FILIP1L: variants seen among roughly 807,000 people sequenced by gnomAD.
FILIP1L encodes the protein filamin A-interacting protein 1-like.
A neutral mutation model predicts 96.6 loss-of-function variants in FILIP1L; 55 were observed. That is an observed-to-expected ratio of 0.57 (90% CI 0.46 to 0.71). FILIP1L has a LOEUF of 0.71. Ranked by LOEUF, FILIP1L falls within the 30% of genes least tolerant of loss-of-function variation. The probability of loss-of-function intolerance (pLI) is 0.00; values close to 1 mark genes in which losing one functional copy is unlikely to be tolerated. For synonymous variants in FILIP1L, 467 were observed against 473.9 expected (o/e 0.99, Z 0.19); for missense variants, 1,304 against 1,321.2 (o/e 0.99, Z 0.20).
chr3:99,851,151 A>G, intron 4 of FILIP1L, 81 bp from the exon 5 acceptor site: 1 of 1,139,026 alleles, frequency 8.8e-7, no homozygotes, highest in Non-Finnish European at 1.2e-6. Context: ...TATGTAATTT[A>G]GAAATTATGT....
At chr3:99,837,401 TAGA>T (rs1942945041) in intron 5 of FILIP1L, among the ~76,000 whole-genome samples, 1 of 145,552 alleles carries the variant, frequency 6.9e-6, no homozygotes, top group Admixed American at 6.8e-5. Flanking sequence ...GGCATAAGAA[TAGA>T]AGAAGAATAG....
At chr3:99,911,230 G>A (rs1706777445) in intron 4 of FILIP1L, among the ~76,000 whole-genome samples, 1 of 151,838 alleles carries the variant, frequency 6.6e-6, no homozygotes, top group African/African-American at 2.4e-5. Context: ...TTATCAGGAA[G>A]TTGTACAATA....
intron 4 of FILIP1L, among the ~76,000 whole-genome samples, chr3:99,913,304 T>G (rs1221915790): frequency 6.6e-6 from 1 of 152,202 alleles, no homozygotes; most frequent in Non-Finnish European, 1.5e-5. Context: ...AATGCACCAT[T>G]TTACATTACT....
chr3:99,961,217 G>A (rs1016332604), intron 1 of FILIP1L, among the ~76,000 whole-genome samples: 12 of 152,192 alleles, frequency 7.9e-5, no homozygotes, highest in African/African-American at 2.7e-4. Flanking sequence ...GAGAATGCCC[G>A]AGGGGATCCG....
intron 1 of FILIP1L, among the ~76,000 whole-genome samples, chr3:100,075,850 T>C (rs547142178): frequency 1.3e-5 from 2 of 152,348 alleles, no homozygotes; most frequent in East Asian, 1.9e-4. Flanking sequence ...TATAAACTTA[T>C]CTTAAACTCT....
chr3:99,894,383 G>A (rs930191535), intron 4 of FILIP1L, among the ~76,000 whole-genome samples: 9 of 152,212 alleles, frequency 5.9e-5, no homozygotes, highest in East Asian at 3.8e-4. Flanking sequence ...CTGGCCAGAG[G>A]TGGATTCACT....
intron 1 of FILIP1L, among the ~76,000 whole-genome samples, chr3:100,086,852 T>C (rs1157545044): frequency 5.3e-5 from 8 of 152,168 alleles, no homozygotes; most frequent in Non-Finnish European, 1.2e-4. Flanking sequence ...TCAGGCTCCC[T>C]TTTTAATCAG....
At chr3:100,009,206 T>G (rs1335708406) in intron 1 of FILIP1L, among the ~76,000 whole-genome samples, 3 of 152,194 alleles carry the variant, frequency 2.0e-5, no homozygotes, top group African/African-American at 7.2e-5. Flanking sequence ...GCCTCCTGTT[T>G]GAAGAAATTC....
intron 1 of FILIP1L, among the ~76,000 whole-genome samples, chr3:100,082,262 G>A (rs2065944516): frequency 6.6e-6 from 1 of 152,100 alleles, no homozygotes; most frequent in Admixed American, 6.6e-5. Context: ...TTAACATACT[G>A]ACCTAAGCTG....
intron 4 of FILIP1L, among the ~76,000 whole-genome samples, chr3:99,899,706 A>T (rs1339755306): frequency 6.6e-6 from 1 of 152,182 alleles, no homozygotes; most frequent in African/African-American, 2.4e-5. Context: ...TTGTGATTCC[A>T]TTATGGTCCA....
intron 3 of FILIP1L, among the ~76,000 whole-genome samples, 174 bp from the exon 4 acceptor site, chr3:99,924,582 G>A (rs1191376120): frequency 6.6e-5 from 10 of 152,110 alleles, no homozygotes; most frequent in South Asian, 2.1e-4. Context: ...GCAATGGCGC[G>A]ATCTCGACTC....
intron 1 of FILIP1L, among the ~76,000 whole-genome samples, chr3:100,029,776 T>C (rs1450095802): frequency 1.3e-5 from 2 of 152,166 alleles, no homozygotes; most frequent in Non-Finnish European, 2.9e-5. Context: ...TAAGAGGGCT[T>C]TTGTAGCTGA....
At chr3:100,062,656 T>C (rs1406596806) in intron 1 of FILIP1L, among the ~76,000 whole-genome samples, 1 of 152,206 alleles carries the variant, frequency 6.6e-6, no homozygotes, top group Admixed American at 6.5e-5. Flanking sequence ...CTAAGCTGCA[T>C]ACTAATTTCA....
intron 1 of FILIP1L, among the ~76,000 whole-genome samples, chr3:99,993,648 T>A (rs1709588980): frequency 6.6e-6 from 1 of 152,164 alleles, no homozygotes; most frequent in Non-Finnish European, 1.5e-5. Context: ...TAATGTGTGT[T>A]CCTTCTATGC....
At chr3:99,955,160 T>C (rs1708285384) in intron 1 of FILIP1L, among the ~76,000 whole-genome samples, 1 of 152,228 alleles carries the variant, frequency 6.6e-6, no homozygotes, top group Admixed American at 6.5e-5. Flanking sequence ...TGTATCATTC[T>C]AGCAATGGGG....
chr3:99,838,249 C>G (rs1180032560), intron 5 of FILIP1L, among the ~76,000 whole-genome samples: 2 of 152,208 alleles, frequency 1.3e-5, no homozygotes, highest in Admixed American at 1.3e-4. Flanking sequence ...GGTCAGTCTT[C>G]CCCGTGCCTG....
In FILIP1L at chr3:99,952,020, A is replaced by T. The variant is rs147121381; in HGVS notation, c.-10-20990T>A. On this transcript the variant is annotated intron_variant, in intron 1 of 5. Transcript: ENST00000477258. ...ACCCTTAGTTGAAATTTATTTTAAAAATTACTGTTTATTCCAGTGGACCAT... is the reference window on the plus strand; with the variant it reads ...ACCCTTAGTTGAAATTTATTTTAAATATTACTGTTTATTCCAGTGGACCAT... 6.7e-3 allele frequency among the ~76,000 whole-genome samples: 1,024 copies of T among 152,328 alleles called. 3 individuals are homozygous for T. Among genetic ancestry groups the T allele is most frequent in the African/African-American group, 8.5e-3 (353 of 41,576 alleles).
At chr3:99,984,062 G>T (rs888378133) in intron 1 of FILIP1L, among the ~76,000 whole-genome samples, 1 of 151,620 alleles carries the variant, frequency 6.6e-6, no homozygotes, top group African/African-American at 2.4e-5. Context: ...ATGTGTGTTT[G>T]TGTGTGTGTG....
chr3:99,954,617 G>A lies in FILIP1L; in HGVS notation c.-10-23587C>T, dbSNP rs183531772. ...GAGGCAGGTGGATTACTTAAGGTCAGGAGTTCGAGACCAGCCTGACCAACA... is the reference window on the plus strand; with the variant it reads ...GAGGCAGGTGGATTACTTAAGGTCAAGAGTTCGAGACCAGCCTGACCAACA... On this transcript the variant is annotated intron_variant, in intron 1 of 5. Transcript: ENST00000477258. Among the ~76,000 whole-genome samples, 473 of 152,264 alleles carry A rather than the reference G, an allele frequency of 3.1e-3. 4 individuals are homozygous for A. The highest frequency in any genetic ancestry group is 0.011 in the African/African-American group (445 of 41,540).
Sources: allele counts gnomAD v4.1 joint callset (sites outside exome capture counted in the v4.1 genomes callset), GRCh38; gene constraint gnomAD v4.1.1; transcripts MANE v1.5; gene names NCBI Gene and HGNC (gene_info 2026-07-23, HGNC 2026-07-21).